MCF2L: variants seen among roughly 807,000 people sequenced by gnomAD.
MCF2L encodes MCF.2 cell line derived transforming sequence like.
Under a neutral mutation model 153.4 loss-of-function variants are expected in MCF2L, and 97 were observed. That is an observed-to-expected ratio of 0.63 (90% CI 0.54 to 0.75). The LOEUF is 0.75. Ranked by LOEUF, MCF2L falls within the 30% of genes least tolerant of loss-of-function variation. The pLI is 0.00. For synonymous variants in MCF2L, 659 were observed against 632.2 expected (o/e 1.04, Z -0.64); for missense variants, 1,347 against 1,495.2 (o/e 0.90, Z 1.64).
At chr13:112,915,946 C>G (rs557484492) in intron 2 of MCF2L, among the ~76,000 whole-genome samples, 14 of 152,098 alleles carry the variant, frequency 9.2e-5, no homozygotes, top group South Asian at 4.2e-4. Context: ...CGCCTGTAAT[C>G]CCAGCACTTT....
intron 2 of MCF2L, among the ~76,000 whole-genome samples, chr13:112,914,032 T>TC (rs1028569723): frequency 4.6e-5 from 7 of 152,272 alleles, no homozygotes; most frequent in African/African-American, 1.7e-4. Flanking sequence ...CAGCCCCTTC[T>TC]CCCCCTGTGA....
chr13:113,093,133 G>A (rs2035361355), intron 26 of MCF2L, among the ~76,000 whole-genome samples: 1 of 152,260 alleles, frequency 6.6e-6, no homozygotes, highest in South Asian at 2.1e-4. Context: ...CACGCTGGCA[G>A]CCAGGCCCCA....
At chr13:112,939,251 C>T (rs1212464092) in intron 2 of MCF2L, among the ~76,000 whole-genome samples, 2 of 152,170 alleles carry the variant, frequency 1.3e-5, no homozygotes, top group Admixed American at 1.3e-4. Context: ...GGGCCTCCGG[C>T]AGGTTTCTCA....
At chr13:112,923,305 C>T (rs1012511894) in intron 2 of MCF2L, among the ~76,000 whole-genome samples, 3 of 139,262 alleles carry the variant, frequency 2.2e-5, no homozygotes, top group South Asian at 2.5e-4. Flanking sequence ...GCTCTGTCAC[C>T]CAGGCTGGAG....
intron 20 of MCF2L, 76 bp downstream of exon 20, chr13:113,085,254 TC>T: frequency 7.7e-7 from 1 of 1,293,666 alleles, no homozygotes; most frequent in Non-Finnish European, 1.1e-6. Context: ...TGGGGCCCCG[TC>T]CCCATCGCGC....
chr13:113,022,756 G>A (rs1180845781), intron 2 of MCF2L, among the ~76,000 whole-genome samples: 1 of 152,230 alleles, frequency 6.6e-6, no homozygotes, highest in Non-Finnish European at 1.5e-5. Flanking sequence ...CATCCCAGGG[G>A]GCTTTGAGCC....
At chr13:112,905,928 T>C (rs1306672665) in intron 2 of MCF2L, among the ~76,000 whole-genome samples, 1 of 152,142 alleles carries the variant, frequency 6.6e-6, no homozygotes, top group Non-Finnish European at 1.5e-5. Flanking sequence ...CATGCAAGTA[T>C]TTATTTTGAA....
rs1187950132 is a variant in MCF2L, at chr13:113,012,433, G to A, written c.80-2330G>A. 2.6e-5 allele frequency among the ~76,000 whole-genome samples: 3 copies of A among 115,844 alleles called. 1 individual carries two copies. The highest frequency in any genetic ancestry group is 2.5e-4 in the Admixed American group (3 of 11,784). The allele number at this position is 115,844 out of a possible 152,430, so 76.0% of individuals were successfully genotyped here. ...GGACGGTGGACAGGCAGTGTGGACG[G>A]TGGACACTGCAGTGCGGATGGTGGA... On this transcript the variant is annotated intron_variant, in intron 1 of 29. Transcript: ENST00000535094.
At chr13:112,953,300 A>G (rs943793648) in intron 2 of MCF2L, among the ~76,000 whole-genome samples, 1 of 152,072 alleles carries the variant, frequency 6.6e-6, no homozygotes, top group Admixed American at 6.5e-5. Context: ...TCCAGCCCCC[A>G]TGGACAAAGG....
intron 2 of MCF2L, among the ~76,000 whole-genome samples, chr13:112,949,676 C>T (rs544565168): frequency 6.6e-6 from 1 of 151,446 alleles, no homozygotes; most frequent in Non-Finnish European, 1.5e-5. Context: ...CAAAATTTAA[C>T]ACACATTCAT....
At chr13:112,902,740 T>C (rs1410792227) in intron 2 of MCF2L, among the ~76,000 whole-genome samples, 2 of 152,378 alleles carry the variant, frequency 1.3e-5, no homozygotes, top group East Asian at 3.9e-4. Context: ...TGCTTCATTC[T>C]TTAGAAACAA....
chr13:113,089,225 G>A (rs1449962373), intron 25 of MCF2L, among the ~76,000 whole-genome samples: 2 of 144,158 alleles, frequency 1.4e-5, no homozygotes, highest in Non-Finnish European at 3.0e-5. Context: ...AAGTAGGGTG[G>A]GCGTCTGTTC....
At position 113,074,962 on chromosome 13, in the gene MCF2L, G is replaced by T; in HGVS notation, c.1117-36G>T. ...AGGCACTGTGTGCCTCGAACAGAAA[G>T]AGGCCTGAGCTGGTCCTCTGGGTGG... On this transcript the variant is annotated intron_variant, in intron 10 of 29. Coordinates refer to ENST00000535094, the MANE Select transcript of MCF2L (RefSeq NM_001112732.3). This position sits in a 1 kb window ranked among gnomAD's most constrained non-coding sequence, Gnocchi z 4.2. The T allele has an allele frequency of 6.4e-7, 1 of 1,558,142 alleles. No homozygotes were observed.
rs2081570495 is a variant in MCF2L at position 112,941,056 on chromosome 13, CT to C, written c.169+38686del. Among the ~76,000 whole-genome samples the C allele has an allele frequency of 6.6e-6, 1 of 152,190 alleles. No homozygotes were observed. The highest frequency in any genetic ancestry group is 1.5e-5 in the Non-Finnish European group (1 of 68,028). ...ATGTGAAATCCACCTAGCAGCCCCG[CT>C]GCATCTGGCACCACCATAGGGAGCA... On this transcript the variant is annotated intron_variant, in intron 2 of 29. Coordinates refer to the MCF2L transcript ENST00000375608. This position sits in a 1 kb window ranked among gnomAD's most constrained non-coding sequence, Gnocchi z 4.9.
chr13:112,995,434 A>G (rs1309060413), intron 1 of MCF2L, among the ~76,000 whole-genome samples: 2 of 152,258 alleles, frequency 1.3e-5, no homozygotes, highest in Non-Finnish European at 2.9e-5. Flanking sequence ...AGTTGTGCTT[A>G]GTACGTGTTG....
At chr13:112,995,854 A>C (rs12862864) in intron 1 of MCF2L, among the ~76,000 whole-genome samples, 37,018 of 152,102 alleles carry the variant, frequency 0.24, 5,669 homozygotes, top group Non-Finnish European at 0.34. Flanking sequence ...AAGTCCGTTC[A>C]GTCCTGGGCG....
intron 1 of MCF2L, among the ~76,000 whole-genome samples, chr13:113,013,323 T>C (rs941840882): frequency 6.6e-6 from 1 of 152,186 alleles, no homozygotes; most frequent in African/African-American, 2.4e-5. Flanking sequence ...GAGCTCGCCC[T>C]GCAAGGCTCT....
intron 2 of MCF2L, among the ~76,000 whole-genome samples, chr13:113,018,577 A>G (rs1467218311): frequency 2.6e-5 from 4 of 152,254 alleles, no homozygotes; most frequent in East Asian, 3.9e-4. Context: ...GTCCCCTGGC[A>G]TGGCAGTCGG....
At chr13:112,987,977 A>C (rs1395421164) in intron 1 of MCF2L, among the ~76,000 whole-genome samples, 1 of 152,224 alleles carries the variant, frequency 6.6e-6, no homozygotes, top group Non-Finnish European at 1.5e-5. Flanking sequence ...TTCTTCAGAG[A>C]AGGGGAAAAG....
Sources: gnomAD v4.1 joint callset for allele counts (sites outside exome capture counted in the v4.1 genomes callset) on GRCh38, gnomAD v4.1.1 for gene constraint, Gnocchi (gnomAD v3.1) non-coding constraint, MANE v1.5 for transcripts, NCBI Gene and HGNC (gene_info 2026-07-23, HGNC 2026-07-21) for gene names.